MACROD2: variants seen among roughly 807,000 people sequenced by gnomAD.
The protein encoded by MACROD2 is mono-ADP ribosylhydrolase 2, also known as ADP-ribose glycohydrolase MACROD2.
In MACROD2, 36 loss-of-function variants were observed where a neutral mutation model predicts 70.4. That is an observed-to-expected ratio of 0.51 (90% CI 0.39 to 0.68). The LOEUF is 0.68. Among genes scored for constraint, MACROD2 ranks in the 30% least tolerant of loss-of-function variants. The pLI is 0.00. For missense variants in MACROD2, 496 were observed against 538.4 expected, an observed-to-expected ratio of 0.92 and a Z score of 0.78; for synonymous variants, 172 against 178.8, an observed-to-expected ratio of 0.96 and a Z score of 0.30.
chr20:14,856,559 T>C (rs2073257683), intron 5 of MACROD2, among the ~76,000 whole-genome samples: 1 of 152,178 alleles, frequency 6.6e-6, no homozygotes, highest in Non-Finnish European at 1.5e-5. Context: ...AATCCACTTG[T>C]TAAGTGGCAA....
intron 6 of MACROD2, among the ~76,000 whole-genome samples, chr20:15,242,722 G>T (rs891325359): frequency 1.3e-5 from 2 of 152,114 alleles, no homozygotes; most frequent in Non-Finnish European, 2.9e-5. Flanking sequence ...TTTTAAAAAT[G>T]TAAAAATTAG....
intron 6 of MACROD2, among the ~76,000 whole-genome samples, chr20:15,293,898 A>G (rs1335879048): frequency 6.6e-6 from 1 of 152,072 alleles, no homozygotes; most frequent in Non-Finnish European, 1.5e-5. Context: ...CAGATGGATC[A>G]CCTGAGGTCA....
chr20:15,715,046 G>T (rs1250152535), intron 8 of MACROD2, among the ~76,000 whole-genome samples: 2 of 152,108 alleles, frequency 1.3e-5, no homozygotes, highest in African/African-American at 2.4e-5. Flanking sequence ...ACAGGAAAAT[G>T]CCAGTTAAGA....
intron 5 of MACROD2, among the ~76,000 whole-genome samples, chr20:15,112,599 A>G (rs1160524113): frequency 6.6e-6 from 1 of 152,298 alleles, no homozygotes; most frequent in South Asian, 2.1e-4. Flanking sequence ...TAAATTTGAT[A>G]TCAAGCCCTG....
At chr20:15,245,550 C>T (rs145077325) in intron 6 of MACROD2, among the ~76,000 whole-genome samples, 1 of 152,128 alleles carries the variant, frequency 6.6e-6, no homozygotes, top group African/African-American at 2.4e-5. Context: ...ACAGACAGTC[C>T]CTTACTTATG....
chr20:15,314,553 C>G (rs979915654), intron 6 of MACROD2, among the ~76,000 whole-genome samples: 7 of 152,196 alleles, frequency 4.6e-5, no homozygotes, highest in African/African-American at 1.7e-4. Flanking sequence ...GAGACCGTGT[C>G]CCTGATTTTG....
chr20:14,283,417 G>T (rs968431631), intron 3 of MACROD2, among the ~76,000 whole-genome samples: 1 of 151,924 alleles, frequency 6.6e-6, no homozygotes, highest in Non-Finnish European at 1.5e-5. Context: ...GGAATATTAA[G>T]TGTCCACTCC....
intron 6 of MACROD2, among the ~76,000 whole-genome samples, chr20:15,381,420 G>C (rs1193755677): frequency 6.6e-6 from 1 of 151,828 alleles, no homozygotes; most frequent in Non-Finnish European, 1.5e-5. Context: ...AAAAATCTAG[G>C]CCAGGCACAG....
chr20:15,111,529 C>T (rs2123222316), intron 5 of MACROD2, among the ~76,000 whole-genome samples: 1 of 152,192 alleles, frequency 6.6e-6, no homozygotes, highest in Admixed American at 6.5e-5. Context: ...TTTAAAAGTT[C>T]TATGGTTGAG....
chr20:15,561,524 C>T (rs2048243732), intron 8 of MACROD2, among the ~76,000 whole-genome samples: 1 of 152,106 alleles, frequency 6.6e-6, no homozygotes, highest in African/African-American at 2.4e-5. Context: ...TAATACTGTT[C>T]TGTCTGTGCT....
intron 8 of MACROD2, among the ~76,000 whole-genome samples, chr20:15,831,251 T>C (rs972439765): frequency 8.5e-5 from 13 of 152,316 alleles, no homozygotes; most frequent in African/African-American, 2.6e-4. Flanking sequence ...AGCTGTGTTA[T>C]GTACCTTGAC....
chr20:15,791,457 G>C (rs1010630060), intron 8 of MACROD2, among the ~76,000 whole-genome samples: 6 of 151,626 alleles, frequency 4.0e-5, no homozygotes, highest in Non-Finnish European at 8.9e-5. Flanking sequence ...AAAAAAAAAG[G>C]ATGTTCAAAA....
chr20:15,278,978 A>C (rs368020389), intron 6 of MACROD2, among the ~76,000 whole-genome samples: 6 of 152,168 alleles, frequency 3.9e-5, no homozygotes, highest in African/African-American at 1.2e-4. Flanking sequence ...CAGTCTGACT[A>C]TTCCATTTCT....
At chr20:14,719,666 A>C (rs1403152246) in intron 5 of MACROD2, among the ~76,000 whole-genome samples, 5 of 152,166 alleles carry the variant, frequency 3.3e-5, no homozygotes, top group South Asian at 2.1e-4. Flanking sequence ...TTAAAAAAAA[A>C]TGAGTGCCAT....
At chr20:14,263,338 A>G (rs1226019878) in intron 3 of MACROD2, among the ~76,000 whole-genome samples, 1 of 152,218 alleles carries the variant, frequency 6.6e-6, no homozygotes, top group Non-Finnish European at 1.5e-5. Flanking sequence ...CATGAAGCCA[A>G]TAAGCTGGAG....
intron 2 of MACROD2, among the ~76,000 whole-genome samples, chr20:14,072,444 G>A (rs530040339): frequency 4.2e-5 from 5 of 119,358 alleles, no homozygotes; most frequent in African/African-American, 1.6e-4. Context: ...TACCTGCGGA[G>A]CATGTTGATT....
chr20:15,059,185 G>T (rs2075511812), intron 5 of MACROD2, among the ~76,000 whole-genome samples: 1 of 151,970 alleles, frequency 6.6e-6, no homozygotes, highest in African/African-American at 2.4e-5. Context: ...ATCACCTGAG[G>T]TCAGTCTGGC....
chr20:14,371,893 C>T (rs1264227152), intron 3 of MACROD2, among the ~76,000 whole-genome samples: 9 of 151,876 alleles, frequency 5.9e-5, no homozygotes, highest in Non-Finnish European at 1.0e-4. Flanking sequence ...ATCAATTACT[C>T]GAGGGCCTTT....
chr20:14,009,902 T>C (rs2052878036), intron 2 of MACROD2, among the ~76,000 whole-genome samples: 1 of 152,144 alleles, frequency 6.6e-6, no homozygotes, highest in African/African-American at 2.4e-5. Flanking sequence ...GTTCTCACTT[T>C]TATGTGGGAG....
Sources: allele counts gnomAD v4.1 joint callset (sites outside exome capture counted in the v4.1 genomes callset), GRCh38; gene constraint gnomAD v4.1.1; transcripts MANE v1.5; gene names NCBI Gene and HGNC (gene_info 2026-07-23, HGNC 2026-07-21).